FAM181A: variants seen among roughly 807,000 people sequenced by gnomAD.
The protein encoded by FAM181A is family with sequence similarity 181 member A.
Under a neutral mutation model 16.3 loss-of-function variants are expected in FAM181A, and 7 were observed. The observed-to-expected ratio is 0.43, with a 90% CI of 0.24 to 0.81. The LOEUF (loss-of-function observed/expected upper bound fraction) is 0.81, where lower values mean the gene tolerates loss of function less well. Among genes scored for constraint, FAM181A ranks in the 30% least tolerant of loss-of-function variants. The probability of loss-of-function intolerance (pLI) is 0.24; values close to 1 mark genes in which losing one functional copy is unlikely to be tolerated. For missense variants in FAM181A, 349 were observed against 377.5 expected (o/e 0.92, Z 0.63); for synonymous variants, 183 against 164.9 (o/e 1.11, Z -0.84).
At chr14:93,922,624 A>G (rs1489005202), upstream of FAM181A, among the ~76,000 whole-genome samples, 2 of 152,218 alleles carry the variant, frequency 1.3e-5, no homozygotes, top group Non-Finnish European at 2.9e-5. Flanking sequence ...TGGGAAGCAG[A>G]GGTTGCAGTG....
Position 93,928,772 on chromosome 14 carries a change from C to A in FAM181A, c.487C>A (p.Pro163Thr). 3.7e-6 allele frequency: 6 copies of A among 1,613,970 alleles called. No homozygotes were observed. The highest frequency in any genetic ancestry group is 1.1e-5 in the South Asian group (1 of 91,088). ...LEGGLGPREG[P>T]PYEGKKNCKG... ...GGGGGGACTGGGCCCCAGGGAGGGA[C>A]CTCCCTATGAGGGTAAGAAAAATTG... Residue 163 changes from proline (P) to threonine (T), a missense_variant, in exon 2 of 2, where the codon CCT becomes ACT. Coordinates refer to ENST00000556222, the MANE Select transcript of FAM181A (RefSeq NM_001207073.2).
rs1300866846 is a variant in FAM181A, at chr14:93,928,481, C to T, written c.196C>T (p.Pro66Ser). 7 of 1,610,426 alleles carry T rather than the reference C, an allele frequency of 4.3e-6. No homozygotes were observed. Among genetic ancestry groups the T allele is most frequent in the African/African-American group, 1.3e-5 (1 of 74,974 alleles). The change falls in exon 2 of 2, where the codon CCC (proline) becomes TCC (serine). Residue 66 changes from proline (P) to serine (S), a missense_variant. Coordinates refer to ENST00000556222, the MANE Select transcript of FAM181A (RefSeq NM_001207073.2). ...GGGCCTTCCTGGCAGAGCTGCTGAG[C>T]CCTACCTGAAAAGGGGGTCTGAGGA... ...PRGLPGRAAE[P>S]YLKRGSEDRP...
chr14:93,928,429 C>T lies in FAM181A; in HGVS notation c.144C>T (p.Phe48=). The T allele has an allele frequency of 6.2e-7, 1 of 1,613,106 alleles. No individual in the cohort carries two copies. Among genetic ancestry groups the T allele is most frequent in the Non-Finnish European group, 8.5e-7 (1 of 1,179,332 alleles). The change falls in exon 2 of 2, where the codon TTC becomes TTT. Residue 48 remains phenylalanine (F), a synonymous_variant. Coordinates refer to ENST00000556222, the MANE Select transcript of FAM181A (RefSeq NM_001207073.2). ...ACCTGCAGAAGCAGCTCAAGCGCTT[C>T]TCCCAGAAGTATTCCCGGCTCCCGC... ...RKYLQKQLKR[F]SQKYSRLPRG...
rs779291895 is a variant in FAM181A at position 93,928,307 on chromosome 14, A to G, written c.22A>G (p.Lys8Glu). The G allele has an allele frequency of 1.2e-6, 2 of 1,613,846 alleles. No individual in the cohort carries two copies. MASDSDV[K>E]MLLNFVNLAS... ...GGTGATGGCATCCGACAGTGATGTG[A>G]AGATGCTGCTGAACTTCGTGAACCT... is the stretch of plus-strand genomic sequence containing the variant. Residue 8 changes from lysine to glutamate, a missense_variant, in exon 2 of 2, where the codon AAG becomes GAG. Physicochemically the swap from Lys to Glu is moderately conservative, Grantham distance 56. Coordinates refer to ENST00000556222, the MANE Select transcript of FAM181A (RefSeq NM_001207073.2).
chr14:93,921,919 T>C (rs1330553350), intron 1 of FAM181A: 1 of 152,104 alleles, frequency 6.6e-6, no homozygotes, highest in Admixed American at 6.5e-5. Context: ...TTAAAGAGAG[T>C]AACCGTGGCA....
chr14:93,927,691 C>A (rs1018127866), intron 1 of FAM181A: 66 of 977,304 alleles, frequency 6.8e-5, no homozygotes, highest in Non-Finnish European at 7.6e-5. Flanking sequence ...GGGGGTGGAG[C>A]GTGGGGACTG....
In FAM181A at chr14:93,928,378, C is replaced by T; in HGVS notation, c.93C>T (p.Cys31=). 1.2e-6 allele frequency: 2 copies of T among 1,613,876 alleles called. No individual in the cohort carries two copies. Among genetic ancestry groups the T allele is most frequent in the Non-Finnish European group, 1.7e-6 (2 of 1,180,022 alleles). ...CAGCCCTGGATAAGTCCGCACCCTGCCGCCGCTCCGTGGACCATCGCAAGT... is the reference window on the plus strand; with the variant it reads ...CAGCCCTGGATAAGTCCGCACCCTGTCGCCGCTCCGTGGACCATCGCAAGT... ...IKAALDKSAP[C]RRSVDHRKYL... is the part of the protein sequence containing the mutation. The change falls in exon 2 of 2, where the codon TGC becomes TGT. Residue 31 remains cysteine (C), a synonymous_variant. Transcript: ENST00000556222.
chr14:93,927,491 G>A, intron 1 of FAM181A, 37 bp downstream of exon 1: 1 of 1,266,486 alleles, frequency 7.9e-7, no homozygotes, highest in Non-Finnish European at 1.0e-6. Context: ...GCCCGACTGG[G>A]TGGCGGGTGT....
rs368262624 is a variant in FAM181A at position 93,928,731 on chromosome 14, A to C, written c.446A>C (p.Tyr149Ser). The C allele has an allele frequency of 1.2e-5, 19 of 1,613,806 alleles. No homozygotes were observed. The African/African-American group carries it at 2.1e-4, about 18-fold the overall frequency. Reference protein sequence around the residue: ...FWEEPRPTHSYHVGLEGGLGP... With the variant: ...FWEEPRPTHSSHVGLEGGLGP... ...GAAGAGCCAAGGCCCACCCACAGCT[A>C]CCATGTGGGGCTGGAGGGGGGACTG... The change falls in exon 2 of 2, where the codon TAC (tyrosine) becomes TCC (serine). Residue 149 changes from tyrosine (Y) to serine (S), a missense_variant. Tyr to Ser is a moderately radical substitution (Grantham distance 144). Coordinates refer to ENST00000556222, the MANE Select transcript of FAM181A (RefSeq NM_001207073.2).
In FAM181A at chr14:93,919,569, C is replaced by T. The variant is rs539573324; in HGVS notation, c.-225+575C>T. Among the ~76,000 whole-genome samples, 10 of 152,262 alleles carry T rather than the reference C, an allele frequency of 6.6e-5. No individual in the cohort carries two copies. In the East Asian group the frequency reaches 1.4e-3, roughly 21 times the overall value. ...TTTTCAAGGCTGTTGGCATGGATTTCGTATTCATTTTGCTACCCCCAGCAC... is the reference window on the plus strand; with the variant it reads ...TTTTCAAGGCTGTTGGCATGGATTTTGTATTCATTTTGCTACCCCCAGCAC... On this transcript the variant is annotated intron_variant, in intron 1 of 2. Coordinates refer to the FAM181A transcript ENST00000267594.
chr14:93,925,326 A>G, upstream of FAM181A: 1 of 1,613,698 alleles, frequency 6.2e-7, no homozygotes, highest in Non-Finnish European at 8.5e-7. Context: ...AGCCCCCACA[A>G]ATCACAGAAG....
At chr14:93,927,737 G>T in intron 1 of FAM181A, 5 of 940,256 alleles carry the variant, frequency 5.3e-6, no homozygotes, top group Non-Finnish European at 7.0e-6. Flanking sequence ...CTGGGGGCAG[G>T]AGTGGTGGGA....
intron 1 of FAM181A, among the ~76,000 whole-genome samples, chr14:93,919,353 T>C (rs538063116): frequency 3.9e-4 from 59 of 152,290 alleles, no homozygotes; most frequent in Non-Finnish European, 5.9e-4. Flanking sequence ...ATCACAGTAA[T>C]TGGCTTGGGT....
chr14:93,919,119 T>A (rs1887631756), intron 1 of FAM181A: 1 of 152,244 alleles, frequency 6.6e-6, no homozygotes, highest in Non-Finnish European at 1.5e-5. Context: ...CACCAGCCCT[T>A]CTTTACAGCT....
At chr14:93,925,460 C>G (rs1045944285), upstream of FAM181A, 3 of 1,254,968 alleles carry the variant, frequency 2.4e-6, no homozygotes, top group Non-Finnish European at 3.3e-6. Flanking sequence ...AGGGAGCTGG[C>G]CCTGGTGGCC....
chr14:93,919,816 C>A (rs543863335), intron 1 of FAM181A, among the ~76,000 whole-genome samples: 2 of 152,032 alleles, frequency 1.3e-5, no homozygotes, highest in South Asian at 2.1e-4. Flanking sequence ...TTGTGAGATG[C>A]GGCCAAAGCA....
chr14:93,928,537 C>G lies in FAM181A; in HGVS notation c.252C>G (p.Gly84=). The change falls in exon 2 of 2, where the codon GGC becomes GGG. Residue 84 remains glycine (G), a synonymous_variant. Coordinates refer to ENST00000556222, the MANE Select transcript of FAM181A (RefSeq NM_001207073.2). ...CCAGGAGGCTGCTCCTGGATTTGGGCCCTGATTCCAGCCCCGGCGGGGGTG... is the reference window on the plus strand; with the variant it reads ...CCAGGAGGCTGCTCCTGGATTTGGGGCCTGATTCCAGCCCCGGCGGGGGTG... The part of the protein sequence containing the change: ...DRPRRLLLDL[G]PDSSPGGGGG... 5 of 1,612,248 alleles carry G rather than the reference C, an allele frequency of 3.1e-6. No individual in the cohort carries two copies.
At chr14:93,927,719 T>G in intron 1 of FAM181A, 29 of 808,426 alleles carry the variant, frequency 3.6e-5, no homozygotes, top group Middle Eastern at 5.1e-4. Flanking sequence ...GGGCTGGTGC[T>G]CCTCGTGCTG....
chr14:93,927,706 G>C (rs1351792966), intron 1 of FAM181A: 1 of 1,185,028 alleles, frequency 8.4e-7, no homozygotes, highest in African/African-American at 1.6e-5. Flanking sequence ...GGACTGAGGA[G>C]GGGGGCTGGT....
Sources: allele counts gnomAD v4.1 joint callset (sites outside exome capture counted in the v4.1 genomes callset), GRCh38; gene constraint gnomAD v4.1.1; transcripts MANE v1.5; gene names NCBI Gene and HGNC (gene_info 2026-07-23, HGNC 2026-07-21).